NUP214: variants seen among roughly 807,000 people sequenced by gnomAD.
NUP214 encodes the protein nuclear pore complex protein Nup214.
A neutral mutation model predicts 196.2 loss-of-function variants in NUP214; 79 were observed. That is an observed-to-expected ratio of 0.40 (90% CI 0.34 to 0.49). The LOEUF is 0.49. Among genes scored for constraint, NUP214 ranks in the 20% least tolerant of loss-of-function variants. NUP214 has a pLI of 0.58. For synonymous variants in NUP214, 1,020 were observed against 990.5 expected (o/e 1.03, Z -0.56); for missense variants, 2,468 against 2,539.0 (o/e 0.97, Z 0.60).
chr9:131,163,115 A>C lies in NUP214; in HGVS notation c.2665A>C (p.Lys889Gln). 1 of 1,614,202 alleles carries C rather than the reference A, an allele frequency of 6.2e-7. No individual in the cohort carries two copies. Among genetic ancestry groups the C allele is most frequent in the Non-Finnish European group, 8.5e-7 (1 of 1,180,026 alleles). Residue 889 changes from lysine to glutamine, a missense_variant, in exon 19 of 36, where the codon AAA becomes CAA. This residue lies in a region of NUP214 where 1,801 missense variants were observed against 1,779.4 expected (regional missense o/e 1.01). Transcript: ENST00000359428. ...VDSLQQLRLYKQTSLWSLSSA... is the reference protein window; with the variant it reads ...VDSLQQLRLYQQTSLWSLSSA... Reference sequence around the variant, plus strand: ...TAGTCTTCAGCAGCTCCGCCTTTACAAACAGACTTCCCTGTGGAGCCTGTC... The same window carrying C: ...TAGTCTTCAGCAGCTCCGCCTTTACCAACAGACTTCCCTGTGGAGCCTGTC...
chr9:131,216,974 C>T (rs569731468), intron 31 of NUP214, among the ~76,000 whole-genome samples: 62 of 152,154 alleles, frequency 4.1e-4, no homozygotes, highest in African/African-American at 1.4e-3. Context: ...TTTAATGTGC[C>T]CTACATGAAG....
At chr9:131,154,460 T>C (rs1234660771) in intron 17 of NUP214, among the ~76,000 whole-genome samples, 1 of 151,924 alleles carries the variant, frequency 6.6e-6, no homozygotes, top group Non-Finnish European at 1.5e-5. Context: ...ATCTATCTAT[T>C]TATTTATTCA....
chr9:131,157,185 T>G (rs1832478041), intron 17 of NUP214, among the ~76,000 whole-genome samples: 1 of 151,952 alleles, frequency 6.6e-6, no homozygotes. Context: ...GGACACGGTC[T>G]TTCTCTGTTG....
intron 4 of NUP214, 53 bp downstream of exon 4, chr9:131,129,530 A>T: frequency 6.5e-7 from 1 of 1,533,076 alleles, no homozygotes; most frequent in Non-Finnish European, 9.0e-7. Flanking sequence ...CATCTACTTA[A>T]GAATTGATTT....
chr9:131,135,811 A>C (rs1831708876), intron 8 of NUP214, 129 bp from the exon 9 acceptor site: 1 of 649,312 alleles, frequency 1.5e-6, no homozygotes, highest in Non-Finnish European at 2.7e-6. Context: ...CCTTTGTTCA[A>C]CCAGATAAAA....
chr9:131,189,730 G>C (rs1483753734), intron 26 of NUP214, among the ~76,000 whole-genome samples: 2 of 152,172 alleles, frequency 1.3e-5, no homozygotes, highest in Non-Finnish European at 2.9e-5. Context: ...CAGACACTTT[G>C]TCCAAGTGTC....
chr9:131,191,510 G>A (rs1414212673), intron 26 of NUP214: 1 of 152,078 alleles, frequency 6.6e-6, no homozygotes, highest in Non-Finnish European at 1.5e-5. Context: ...GGAAAAGATT[G>A]AAGATTGTAC....
chr9:131,138,406 C>T (rs1006616624), intron 9 of NUP214, among the ~76,000 whole-genome samples: 6 of 152,044 alleles, frequency 3.9e-5, no homozygotes, highest in Non-Finnish European at 7.4e-5. Context: ...CTGGTAGAGA[C>T]GGGATTTCAC....
intron 21 of NUP214, chr9:131,167,203 A>G (rs905819442): frequency 6.6e-6 from 1 of 152,186 alleles, no homozygotes; most frequent in Non-Finnish European, 1.5e-5. Context: ...CTCCCAAAAC[A>G]CTATGATTTG....
chr9:131,143,855 C>T (rs1832003767), intron 11 of NUP214, among the ~76,000 whole-genome samples: 2 of 151,504 alleles, frequency 1.3e-5, no homozygotes, highest in Non-Finnish European at 2.9e-5. Context: ...GTGTTAGATT[C>T]TGAGACCTAA....
intron 30 of NUP214, among the ~76,000 whole-genome samples, chr9:131,207,017 A>G (rs527948039): frequency 6.6e-6 from 1 of 152,342 alleles, no homozygotes; most frequent in African/African-American, 2.4e-5. Flanking sequence ...TGTCTGGCAC[A>G]TGATAGGCAT....
At position 131,232,131 on chromosome 9, in the gene NUP214, T is replaced by A. The variant is rs1834895910; in HGVS notation, c.6215-153T>A. On this transcript the variant is annotated intron_variant, in intron 34 of 35. Transcript: ENST00000359428. The surrounding 1 kb of genome is among the most constrained non-coding windows in gnomAD (Gnocchi z 5.1). ...GAGGACAAACTCAGAATAAAGGGGC[T>A]TCTGTGTGTACCTTTCCTGCCTTCC... Among the ~76,000 whole-genome samples the A allele has an allele frequency of 6.6e-6, 1 of 152,142 alleles. No homozygotes were observed. Among genetic ancestry groups the A allele is most frequent in the Non-Finnish European group, 1.5e-5 (1 of 68,006 alleles).
At chr9:131,214,576 G>A (rs558064463) in intron 30 of NUP214, among the ~76,000 whole-genome samples, 1 of 152,314 alleles carries the variant, frequency 6.6e-6, no homozygotes, top group South Asian at 2.1e-4. Flanking sequence ...TTCCAGAGAA[G>A]TTAAGTGTCT....
intron 10 of NUP214, 82 bp downstream of exon 10, chr9:131,139,489 G>T: frequency 1.3e-6 from 2 of 1,562,290 alleles, no homozygotes; most frequent in Non-Finnish European, 1.7e-6. Context: ...ACATGTTACT[G>T]ACAGAGTCTA....
intron 31 of NUP214, among the ~76,000 whole-genome samples, chr9:131,221,291 G>A (rs1834548684): frequency 6.6e-6 from 1 of 152,202 alleles, no homozygotes; most frequent in Non-Finnish European, 1.5e-5. Context: ...TACCTGACAT[G>A]TGGGTCCTTA....
In NUP214 at chr9:131,174,135, C is replaced by G; in HGVS notation, c.2974C>G (p.Gln992Glu). Residue 992 changes from glutamine (Q) to glutamate (E), a missense_variant, in exon 22 of 36, where the codon CAG (glutamine) becomes GAG (glutamate). Coordinates refer to ENST00000359428, the MANE Select transcript of NUP214 (RefSeq NM_005085.4). ...AGTCAGCTCAACGTCATCTGTCTCCCAGTCTCTGGAGAGTGAAGATGCACG... is the reference window on the plus strand; with the variant it reads ...AGTCAGCTCAACGTCATCTGTCTCCGAGTCTCTGGAGAGTGAAGATGCACG... ...DEVSSTSSVS[Q>E]SLESEDARTS... 6.2e-7 allele frequency: 1 copy of G among 1,613,890 alleles called. No homozygotes were observed. Among genetic ancestry groups the G allele is most frequent in the Non-Finnish European group, 8.5e-7 (1 of 1,179,940 alleles).
intron 8 of NUP214, 132 bp downstream of exon 8, chr9:131,135,136 C>T (rs1831681097): frequency 1.7e-5 from 11 of 656,192 alleles, no homozygotes; most frequent in South Asian, 1.4e-4. Context: ...ATTACCCAGG[C>T]TGGAGTGCAG....
At chr9:131,205,337 A>G (rs1834048050) in intron 30 of NUP214, among the ~76,000 whole-genome samples, 1 of 152,242 alleles carries the variant, frequency 6.6e-6, no homozygotes, top group South Asian at 2.1e-4. Context: ...AAAGGCTGAC[A>G]GTACCAAGTA....
chr9:131,161,684 A>G (rs548138021), intron 18 of NUP214, among the ~76,000 whole-genome samples: 12 of 152,192 alleles, frequency 7.9e-5, no homozygotes, highest in Non-Finnish European at 1.6e-4. Flanking sequence ...TTTAGCAAGC[A>G]TTTTTCATTC....
Sources: allele counts gnomAD v4.1 joint callset (sites outside exome capture counted in the v4.1 genomes callset), GRCh38; gene constraint gnomAD v4.1.1; regional missense constraint gnomAD v4.1.1; non-coding constraint Gnocchi (gnomAD v3.1); transcripts MANE v1.5; gene names NCBI Gene and HGNC (gene_info 2026-07-23, HGNC 2026-07-21).